CDH19: variants seen among roughly 807,000 people sequenced by gnomAD.
CDH19 encodes the protein cadherin 19, also known as cadherin-19.
CDH19 carries 67 observed loss-of-function variants against 64.2 expected under a neutral mutation model. That is an observed-to-expected ratio of 1.04 (90% CI 0.86 to 1.28). CDH19 has a LOEUF of 1.28. Among genes scored for constraint, CDH19 ranks in the 50% most tolerant of loss-of-function variants. The probability of loss-of-function intolerance (pLI) is 0.00; values close to 1 mark genes in which losing one functional copy is unlikely to be tolerated. For synonymous variants in CDH19, 346 were observed against 319.3 expected (o/e 1.08, Z -0.89); for missense variants, 1,030 against 929.0 (o/e 1.11, Z -1.41).
At chr18:66,567,127 A>T (rs1457281591) in intron 3 of CDH19, among the ~76,000 whole-genome samples, 5 of 151,944 alleles carry the variant, frequency 3.3e-5, no homozygotes, top group Non-Finnish European at 7.4e-5. Flanking sequence ...ACTATTTCTT[A>T]TTTGTATATA....
chr18:66,538,935 T>C (rs1157068102), intron 7 of CDH19, among the ~76,000 whole-genome samples: 1 of 152,064 alleles, frequency 6.6e-6, no homozygotes, highest in African/African-American at 2.4e-5. Context: ...TATGACCTTA[T>C]CTTAACTAGT....
At chr18:66,509,672 C>G (rs1985377630) in intron 10 of CDH19, among the ~76,000 whole-genome samples, 1 of 151,528 alleles carries the variant, frequency 6.6e-6, no homozygotes, top group African/African-American at 2.4e-5. Context: ...GAAATATAAG[C>G]TGATTGAGCT....
intron 2 of CDH19, among the ~76,000 whole-genome samples, chr18:66,569,354 C>G (rs958466679): frequency 6.6e-6 from 1 of 151,376 alleles, no homozygotes; most frequent in Non-Finnish European, 1.5e-5. Flanking sequence ...GTTTTACAAA[C>G]TTTTTTCAGA....
intron 1 of CDH19, among the ~76,000 whole-genome samples, chr18:66,581,004 G>A (rs895935302): frequency 5.9e-5 from 9 of 152,118 alleles, no homozygotes; most frequent in Admixed American, 3.3e-4. Flanking sequence ...AAATGCTCTC[G>A]CCTGAAATGG....
At position 66,537,824 on chromosome 18, in the gene CDH19, T is replaced by C. The variant is rs935735338; in HGVS notation, c.1215-2717A>G. 3.9e-5 allele frequency among the ~76,000 whole-genome samples: 6 copies of C among 151,928 alleles called. No homozygotes were observed. The East Asian group carries it at 1.2e-3, about 29-fold the overall frequency. ...TTGAGTTTCATTGTTTTTAGGTCCTTTGAGCAGACATCAGCAGGAAATATA... is the reference window on the plus strand; with the variant it reads ...TTGAGTTTCATTGTTTTTAGGTCCTCTGAGCAGACATCAGCAGGAAATATA... On this transcript the variant is annotated intron_variant, in intron 7 of 11. Transcript: ENST00000262150.
chr18:66,569,403 G>A (rs148372426), intron 2 of CDH19, among the ~76,000 whole-genome samples: 10 of 151,034 alleles, frequency 6.6e-5, no homozygotes, highest in Non-Finnish European at 1.3e-4. Context: ...TTTACACCAC[G>A]AGGCTATCAA....
At chr18:66,569,329 G>A (rs1988026336) in intron 2 of CDH19, among the ~76,000 whole-genome samples, 1 of 151,482 alleles carries the variant, frequency 6.6e-6, no homozygotes, top group African/African-American at 2.4e-5. Flanking sequence ...CTATAGAGAA[G>A]AAAAGTGAGA....
chr18:66,552,348 G>A (rs1169064414), intron 4 of CDH19, among the ~76,000 whole-genome samples: 1 of 152,022 alleles, frequency 6.6e-6, no homozygotes, highest in Non-Finnish European at 1.5e-5. Flanking sequence ...TGAAATGGTA[G>A]TATTTTTGAT....
rs139850326 is a variant in CDH19 at position 66,579,426 on chromosome 18, C to T, written c.-112-7110G>A. On this transcript the variant is annotated intron_variant, in intron 1 of 11. Transcript: ENST00000262150. Reference sequence around the variant, plus strand: ...CAAATTGTGTCTTTCTACAGATTTGCTACCCACAGTGTAATCTGTGGAATA... The same window carrying T: ...CAAATTGTGTCTTTCTACAGATTTGTTACCCACAGTGTAATCTGTGGAATA... Among the ~76,000 whole-genome samples the T allele has an allele frequency of 5.8e-4, 88 of 152,144 alleles. No individual in the cohort carries two copies. The East Asian group carries it at 0.015, about 26-fold the overall frequency.
At position 66,501,672 on chromosome 18, in the gene CDH19, G is replaced by C. The variant is rs1432917768; in HGVS notation, c.*3140C>G. ...TTAGCTGTTGTTATAATAATTCACT[G>C]TTATTTATTGAGCAGTTATATTTTG... On this transcript the variant is annotated 3_prime_UTR_variant, in exon 12 of 12. Transcript: ENST00000262150. 1 of 152,082 alleles carries C rather than the reference G, an allele frequency of 6.6e-6. No individual in the cohort carries two copies. Among genetic ancestry groups the C allele is most frequent in the Non-Finnish European group, 1.5e-5 (1 of 68,006 alleles). 9.4% of individuals were successfully genotyped at this position (152,082 alleles called of 1,614,324 possible). A position where few individuals can be genotyped will look rare whatever the true frequency, so the allele number is the denominator to read the frequency against.
At chr18:66,508,938 C>A in intron 11 of CDH19, 57 bp downstream of exon 11, 1 of 1,558,774 alleles carries the variant, frequency 6.4e-7, no homozygotes, top group African/African-American at 1.4e-5. Context: ...AGTTCAGCAC[C>A]ACCTACCAAA....
intron 1 of CDH19, among the ~76,000 whole-genome samples, chr18:66,598,812 C>T (rs111595190): frequency 0.017 from 2,659 of 152,038 alleles, 86 homozygotes; most frequent in South Asian, 0.1. Flanking sequence ...CAAGCTAGCA[C>T]ATGTACCCCC....
chr18:66,586,837 T>G (rs1988593355), intron 1 of CDH19, among the ~76,000 whole-genome samples: 1 of 152,114 alleles, frequency 6.6e-6, no homozygotes, highest in African/African-American at 2.4e-5. Context: ...CTTCTTGAAT[T>G]GTTGTGGCTG....
intron 1 of CDH19, among the ~76,000 whole-genome samples, chr18:66,576,059 T>C (rs899799643): frequency 6.6e-6 from 1 of 151,408 alleles, no homozygotes; most frequent in Admixed American, 6.6e-5. Context: ...ATAACAGAGT[T>C]TACTACAGGC....
intron 7 of CDH19, 60 bp downstream of exon 7, chr18:66,543,911 A>T: frequency 2.4e-6 from 3 of 1,232,102 alleles, no homozygotes; most frequent in Non-Finnish European, 3.4e-6. Context: ...ATGCAATTTT[A>T]TTTTTAATCT....
intron 5 of CDH19, among the ~76,000 whole-genome samples, chr18:66,547,699 GCT>G (rs1315083605): frequency 8.9e-6 from 1 of 111,748 alleles, no homozygotes; most frequent in Non-Finnish European, 1.6e-5. Flanking sequence ...ACGGAGTCTC[GCT>G]CTGTCGCCCA....
At chr18:66,552,258 T>C (rs575817827) in intron 4 of CDH19, among the ~76,000 whole-genome samples, 14 of 151,972 alleles carry the variant, frequency 9.2e-5, no homozygotes, top group Non-Finnish European at 8.8e-5. Flanking sequence ...AAAAATGACA[T>C]ATGAGTATAA....
At chr18:66,544,640 A>T in intron 6 of CDH19, 79 bp downstream of exon 6, 1 of 999,274 alleles carries the variant, frequency 1.0e-6, no homozygotes, top group Middle Eastern at 3.1e-4. Flanking sequence ...TAATGAGTTA[A>T]AAACTAACCA....
intron 1 of CDH19, among the ~76,000 whole-genome samples, chr18:66,576,254 A>G (rs1379159238): frequency 6.6e-6 from 1 of 151,552 alleles, no homozygotes; most frequent in Admixed American, 6.6e-5. Context: ...GATGAGGATT[A>G]TTAGATTTTT....
Sources: allele counts gnomAD v4.1 joint callset (sites outside exome capture counted in the v4.1 genomes callset), GRCh38; gene constraint gnomAD v4.1.1; transcripts MANE v1.5; gene names NCBI Gene and HGNC (gene_info 2026-07-23, HGNC 2026-07-21).